The following ZFYVE16 variants were observed in gnomAD, a reference collection of about 807,000 sequenced individuals.
ZFYVE16 encodes zinc finger FYVE domain-containing protein 16.
A neutral mutation model predicts 138.1 loss-of-function variants in ZFYVE16; 89 were observed. The ratio of observed to expected loss-of-function variants is 0.64; its 90% CI spans 0.54 to 0.77. The LOEUF is 0.77. Ranked by LOEUF, ZFYVE16 falls within the 30% of genes least tolerant of loss-of-function variation. ZFYVE16 has a pLI of 0.00. For missense variants in ZFYVE16, 1,793 were observed against 1,786.7 expected (o/e 1.00, Z -0.06); for synonymous variants, 596 against 618.3 (o/e 0.96, Z 0.53).
chr5:80,441,458 C>T lies in ZFYVE16; in HGVS notation c.2419+1426C>T, dbSNP rs894074038. ...TAGTTTCATTTATGGTGCTATTTGT[C>T]ATTAATTCATATGCCACAGGAGAGC... On this transcript the variant is annotated intron_variant, in intron 5 of 18. Coordinates refer to ENST00000505560, the MANE Select transcript of ZFYVE16 (RefSeq NM_001284236.3). 1.6e-5 allele frequency: 16 copies of T among 985,090 alleles called. No homozygotes were observed. The African/African-American group carries it at 2.6e-4, about 16-fold the overall frequency. The allele number at this position is 985,090 out of a possible 1,614,324, so 61.0% of individuals were successfully genotyped here. A position where few individuals can be genotyped will look rare whatever the true frequency, so the allele number is the denominator to read the frequency against.
intron 14 of ZFYVE16, 70 bp downstream of exon 14, chr5:80,457,162 A>G: frequency 6.4e-7 from 1 of 1,560,466 alleles, no homozygotes; most frequent in African/African-American, 1.4e-5. Flanking sequence ...TCAAAGGGGA[A>G]ATATATGTAT....
rs201904759 is a variant in ZFYVE16 at position 80,437,705 on chromosome 5, A to G, written c.1020A>G (p.Gln340=). 6.4e-5 allele frequency: 104 copies of G among 1,613,918 alleles called. 1 individual carries two copies. Among genetic ancestry groups the G allele is most frequent in the African/African-American group, 1.3e-4 (10 of 75,046 alleles). ...AGGAAGATAAGACTGTTATAAAACAATCTGCACAAGAAGACTCAAAAAGTT... is the reference window on the plus strand; with the variant it reads ...AGGAAGATAAGACTGTTATAAAACAGTCTGCACAAGAAGACTCAAAAAGTT... The part of the protein sequence containing the change: ...SFQEDKTVIK[Q]SAQEDSKSLD... The change falls in exon 4 of 19, where the codon CAA becomes CAG. Residue 340 remains glutamine (Q), a synonymous_variant. Transcript: ENST00000505560.
At position 80,456,518 on chromosome 5, in the gene ZFYVE16, G is replaced by A; in HGVS notation, c.3748G>A (p.Glu1250Lys). The change falls in exon 13 of 19, where the codon GAA becomes AAA. Residue 1250 changes from glutamate to lysine, a missense_variant. Coordinates refer to ENST00000505560, the MANE Select transcript of ZFYVE16 (RefSeq NM_001284236.3). ...HNIDQLLIHM[E>K]MGKSCIKIPR... The stretch of plus-strand genomic sequence containing the variant: ...TATAGATCAACTGTTGATTCATATG[G>A]AAATGGGAAAAAGCTGCATAAAAAT... 1 of 1,613,156 alleles carries A rather than the reference G, an allele frequency of 6.2e-7. No homozygotes were observed. Among genetic ancestry groups the A allele is most frequent in the Non-Finnish European group, 8.5e-7 (1 of 1,179,526 alleles).
intron 1 of ZFYVE16, among the ~76,000 whole-genome samples, chr5:80,418,395 C>T (rs1462260871): frequency 6.6e-6 from 1 of 150,502 alleles, no homozygotes; most frequent in Non-Finnish European, 1.5e-5. Context: ...TCACTGTAAC[C>T]TTCAACTCCT....
chr5:80,416,973 G>A (rs991404498), intron 1 of ZFYVE16, among the ~76,000 whole-genome samples: 1 of 152,052 alleles, frequency 6.6e-6, no homozygotes, highest in African/African-American at 2.4e-5. Flanking sequence ...GTGACCATCG[G>A]TATCCATATT....
chr5:80,464,542 C>T (rs528681409), intron 15 of ZFYVE16, among the ~76,000 whole-genome samples: 2 of 152,298 alleles, frequency 1.3e-5, no homozygotes, highest in East Asian at 1.9e-4. Context: ...CTAACCATAT[C>T]ACTAAGAATT....
In ZFYVE16 at chr5:80,479,264, A is replaced by G. The variant is rs1755168546; in HGVS notation, c.*1887A>G. 6.6e-6 allele frequency: 1 copy of G among 152,182 alleles called. No homozygotes were observed. 9.4% of individuals were successfully genotyped at this position (152,182 alleles called of 1,614,324 possible). ...AATGGTTCTTTGTACTCAGTCTGCA[A>G]TGATCTATTTTTGGCTTATGTCTTT... On this transcript the variant is annotated 3_prime_UTR_variant, in exon 19 of 19. Transcript: ENST00000505560.
At chr5:80,458,996 T>A (rs1360211815) in intron 14 of ZFYVE16, among the ~76,000 whole-genome samples, 1 of 152,224 alleles carries the variant, frequency 6.6e-6, no homozygotes, top group Non-Finnish European at 1.5e-5. Flanking sequence ...AGTGGCGCGA[T>A]CTTGGCTCAC....
Position 80,449,644 on chromosome 5 carries a change from G to A in ZFYVE16, c.3157G>A (p.Gly1053Ser), listed in dbSNP as rs997934344. The A allele has an allele frequency of 6.2e-7, 1 of 1,611,078 alleles. No homozygotes were observed. The highest frequency in any genetic ancestry group is 1.7e-5 in the Admixed American group (1 of 59,504). ...SHEQIILLLE[G>S]ESFHPVTFVL... is the part of the protein sequence containing the mutation. ...TGAGCAGATCATTTTGCTTCTTGAA[G>A]GTGAAAGCTTTCATCCTGTTACATT... The change falls in exon 9 of 19, where the codon GGT (glycine) becomes AGT (serine). Residue 1053 changes from glycine (G) to serine (S), a missense_variant. By Grantham distance (56) the Gly-to-Ser change is moderately conservative. Around this residue, in one of 2 missense-constraint regions of ZFYVE16, gnomAD observed 498 missense variants for 582.4 expected, o/e 0.86. Transcript: ENST00000505560.
intron 1 of ZFYVE16, among the ~76,000 whole-genome samples, chr5:80,424,812 A>G (rs190426793): frequency 5.3e-5 from 8 of 152,310 alleles, no homozygotes; most frequent in South Asian, 2.1e-4. Flanking sequence ...GCACTCTTCT[A>G]TGTGCGTGGT....
intron 2 of ZFYVE16, among the ~76,000 whole-genome samples, chr5:80,432,030 G>A (rs910734458): frequency 3.3e-5 from 5 of 152,146 alleles, no homozygotes; most frequent in African/African-American, 1.2e-4. Context: ...TATAGATTCA[G>A]TGCCATCCAC....
At chr5:80,449,433 A>C (rs1234204164) in intron 8 of ZFYVE16, among the ~76,000 whole-genome samples, 158 bp from the exon 9 acceptor site, 4 of 152,228 alleles carry the variant, frequency 2.6e-5, no homozygotes, top group Non-Finnish European at 5.9e-5. Context: ...AAAAATTAGT[A>C]TATAACAGTT....
rs780834272 is a variant in ZFYVE16 at position 80,473,767 on chromosome 5, G to T, written c.4201G>T (p.Val1401Leu). 6.2e-7 allele frequency: 1 copy of T among 1,610,754 alleles called. No individual in the cohort carries two copies. Among genetic ancestry groups the T allele is most frequent in the South Asian group, 1.1e-5 (1 of 90,790 alleles). The change falls in exon 17 of 19, where the codon GTG becomes TTG. Residue 1401 changes from valine to leucine, a missense_variant. Around this residue, in one of 2 missense-constraint regions of ZFYVE16, gnomAD observed 498 missense variants for 582.4 expected, o/e 0.86. Transcript: ENST00000505560. ...EKGNKGVISS[V>L]DGISLQGFPS... ...TTTATTTCATAGAGTTATCAGTTCA[G>T]TGGATGGAATATCATTACAAGGATT...
rs555209385 is a variant in ZFYVE16, at chr5:80,431,709, C to T, written c.-39-2400C>T. Among the ~76,000 whole-genome samples the T allele has an allele frequency of 4.6e-5, 7 of 152,296 alleles. No homozygotes were observed. The South Asian group carries it at 1.2e-3, about 27-fold the overall frequency. ...AAACCCCATCGTCTCAGCCCAAAAT[C>T]TCCTTAAGCTGATAAGCAACTTCAG... On this transcript the variant is annotated intron_variant, in intron 2 of 18. Coordinates refer to ENST00000505560, the MANE Select transcript of ZFYVE16 (RefSeq NM_001284236.3).
chr5:80,463,012 T>G (rs927697490), intron 15 of ZFYVE16, among the ~76,000 whole-genome samples: 5 of 152,210 alleles, frequency 3.3e-5, no homozygotes, highest in African/African-American at 9.6e-5. Flanking sequence ...GGGTACAGCC[T>G]CTCCCAGCTG....
intron 15 of ZFYVE16, among the ~76,000 whole-genome samples, chr5:80,465,409 T>TTTTTTTTG (rs1650922505): frequency 8.9e-6 from 1 of 112,020 alleles, no homozygotes; most frequent in African/African-American, 3.2e-5. Context: ...TGTTTTTTTT[T>TTTTTTTTG]TTTTTTTTTT....
At chr5:80,429,411 G>A (rs1748640561) in intron 2 of ZFYVE16, among the ~76,000 whole-genome samples, 1 of 152,176 alleles carries the variant, frequency 6.6e-6, no homozygotes, top group Admixed American at 6.5e-5. Context: ...GAGAGATTTT[G>A]TCACCACTAG....
At position 80,438,705 on chromosome 5, in the gene ZFYVE16, A is replaced by G. The variant is rs145915760; in HGVS notation, c.2020A>G (p.Ile674Val). The G allele has an allele frequency of 2.1e-5, 34 of 1,614,066 alleles. No individual in the cohort carries two copies. The African/African-American group carries it at 3.7e-4, about 18-fold the overall frequency. The change falls in exon 4 of 19, where the codon ATA becomes GTA. Residue 674 changes from isoleucine to valine, a missense_variant. This residue lies in a region of ZFYVE16 where 1,295 missense variants were observed against 1,204.3 expected (regional missense o/e 1.08). Transcript: ENST00000505560. ...DLNKPDVPDT[I>V]ESEPSTADTV... ...GAATAAGCCAGATGTTCCAGATACAATAGAAAGTGAACCCAGCACAGCAGA... is the reference window on the plus strand; with the variant it reads ...GAATAAGCCAGATGTTCCAGATACAGTAGAAAGTGAACCCAGCACAGCAGA...
rs1463435627 is a variant in ZFYVE16, at chr5:80,445,405, G to A, written c.2724G>A (p.Met908Ile). Residue 908 changes from methionine to isoleucine, a missense_variant and splice_region_variant, in exon 7 of 19, where the codon ATG (methionine) becomes ATA (isoleucine). Met to Ile is a conservative substitution (Grantham distance 10). This residue lies in a region of ZFYVE16 where 1,295 missense variants were observed against 1,204.3 expected (regional missense o/e 1.08). Coordinates refer to ENST00000505560, the MANE Select transcript of ZFYVE16 (RefSeq NM_001284236.3). ...DFSPLSPDVP[M>I]TVNTVDHSHS... The stretch of plus-strand genomic sequence containing the variant: ...GTCCTCTCTCACCTGATGTGCCTAT[G>A]GTAAGGAATTCAAAGAATAACTTAA... 1 of 1,608,332 alleles carries A rather than the reference G, an allele frequency of 6.2e-7. No homozygotes were observed. Among genetic ancestry groups the A allele is most frequent in the South Asian group, 1.1e-5 (1 of 89,802 alleles).
Sources: allele counts gnomAD v4.1 joint callset (sites outside exome capture counted in the v4.1 genomes callset), GRCh38; gene constraint gnomAD v4.1.1; regional missense constraint gnomAD v4.1.1; transcripts MANE v1.5; gene names NCBI Gene and HGNC (gene_info 2026-07-23, HGNC 2026-07-21).